The following PPIP5K1 variants were observed in gnomAD, a reference collection of about 807,000 sequenced individuals.
PPIP5K1 encodes the protein diphosphoinositol pentakisphosphate kinase 1.
PPIP5K1 carries 6 observed loss-of-function variants against 27.7 expected under a neutral mutation model. That is an observed-to-expected ratio of 0.22 (90% CI 0.12 to 0.43). The LOEUF (loss-of-function observed/expected upper bound fraction) is 0.43. PPIP5K1 is among the 20% of genes least tolerant of loss of function. PPIP5K1 has a pLI of 1.00. For missense variants in PPIP5K1, 394 were observed against 635.4 expected (o/e 0.62, Z 4.08); for synonymous variants, 145 against 242.6 (o/e 0.60, Z 3.74).
In PPIP5K1 at chr15:43,543,415, TAAAC is replaced by T. The variant is rs544678749; in HGVS notation, c.3557-3836_3557-3833del. 3.5e-3 allele frequency among the ~76,000 whole-genome samples: 521 copies of T among 149,754 alleles called. 3 individuals carry two copies. Among genetic ancestry groups the T allele is most frequent in the African/African-American group, 0.011 (427 of 40,596 alleles). ...ATGTACCCTAAAACTTAAAGTATAATAAACAAACAAACAAACAAACAAACAAAAC... is the reference window on the plus strand; with the variant it reads ...ATGTACCCTAAAACTTAAAGTATAATAAACAAACAAACAAACAAACAAAAC... On this transcript the variant is annotated intron_variant, in intron 30 of 31. Transcript: ENST00000420765.
At chr15:43,552,295 T>C (rs1012665413) in intron 30 of PPIP5K1, among the ~76,000 whole-genome samples, 3 of 152,066 alleles carry the variant, frequency 2.0e-5, no homozygotes, top group African/African-American at 7.2e-5. Context: ...TATAAAGTTC[T>C]CTCTGAGCAC....
At chr15:43,547,507 G>C (rs1595763966) in intron 30 of PPIP5K1, among the ~76,000 whole-genome samples, 1 of 152,142 alleles carries the variant, frequency 6.6e-6, no homozygotes, top group East Asian at 1.9e-4. Flanking sequence ...TTAGGTCATT[G>C]ATCCATTTTG....
In PPIP5K1 at chr15:43,581,185, C is replaced by T. The variant is rs1177272019; in HGVS notation, c.939+42G>A. 1.2e-5 allele frequency: 18 copies of T among 1,545,118 alleles called. 3 individuals carry two copies. The highest frequency in any genetic ancestry group is 1.5e-5 in the Non-Finnish European group (18 of 1,161,912). ...TACTCTTCCCGGACCCCTGTTCCTT[C>T]CTTTCTCCTTCATTTCACAACCTCC... is the stretch of plus-strand genomic sequence containing the variant. On this transcript the variant is annotated intron_variant, in intron 9 of 31. Coordinates refer to ENST00000420765, the MANE Select transcript of PPIP5K1 (RefSeq NM_001394395.1).
chr15:43,541,089 A>T (rs1353792774), intron 30 of PPIP5K1, among the ~76,000 whole-genome samples: 1 of 152,062 alleles, frequency 6.6e-6, no homozygotes, highest in African/African-American at 2.4e-5. Context: ...AGTGTCTTTT[A>T]ATCTAGAATA....
At chr15:43,552,528 TAAAAAAAAAAA>T in intron 30 of PPIP5K1, among the ~76,000 whole-genome samples, 1 of 69,428 alleles carries the variant, frequency 1.4e-5, no homozygotes, top group South Asian at 4.7e-4. Context: ...TCTGTCTCTA[TAAAAAAAAAAA>T]AAAAAAGAAA....
rs552681986 is a variant in PPIP5K1, at chr15:43,534,119, A to C, written c.*555T>G. 2 of 152,770 alleles carry C rather than the reference A, an allele frequency of 1.3e-5. No individual in the cohort carries two copies. The highest frequency in any genetic ancestry group is 4.1e-4 in the South Asian group (2 of 4,830). The allele number at this position is 152,770 out of a possible 1,614,324, so 9.5% of individuals were successfully genotyped here. A position where few individuals can be genotyped will look rare whatever the true frequency, so the allele number is the denominator to read the frequency against. On this transcript the variant is annotated 3_prime_UTR_variant, in exon 32 of 32. Coordinates refer to ENST00000420765, the MANE Select transcript of PPIP5K1 (RefSeq NM_001394395.1). ...GCAAAGACAAGAGTCCCCTGAATGCACATATGGTCTAAGCGTACCTTGAGA... is the reference window on the plus strand; with the variant it reads ...GCAAAGACAAGAGTCCCCTGAATGCCCATATGGTCTAAGCGTACCTTGAGA...
At chr15:43,537,897 G>A (rs1276218237) in intron 31 of PPIP5K1, among the ~76,000 whole-genome samples, 2 of 151,278 alleles carry the variant, frequency 1.3e-5, no homozygotes, top group African/African-American at 4.9e-5. Flanking sequence ...TGTAAGCTGA[G>A]CTTTACCCAA....
intron 30 of PPIP5K1, among the ~76,000 whole-genome samples, chr15:43,551,319 A>G (rs2082154448): frequency 6.6e-6 from 1 of 152,018 alleles, no homozygotes; most frequent in Non-Finnish European, 1.5e-5. Context: ...GGAGTTCAAG[A>G]CTAGCCTGGC....
chr15:43,544,029 A>C (rs567377201), intron 30 of PPIP5K1, among the ~76,000 whole-genome samples: 1 of 151,542 alleles, frequency 6.6e-6, no homozygotes. Context: ...TTTTTTTGCA[A>C]TTTTAGGTTT....
chr15:43,550,686 A>C (rs1179640778), intron 30 of PPIP5K1, among the ~76,000 whole-genome samples: 8 of 152,106 alleles, frequency 5.3e-5, no homozygotes, highest in Non-Finnish European at 1.0e-4. Flanking sequence ...TCTTGTTCCA[A>C]ATCTTAGAGG....
rs762808746 is a variant in PPIP5K1 at position 43,534,856 on chromosome 15, C to T, written c.4291G>A (p.Glu1431Lys). Reference sequence around the variant, plus strand: ...GGCTGGATGACCTCCTCAGGGATCTCTTCAGCTGGGCTGCCAACTTCTACA... The same window carrying T: ...GGCTGGATGACCTCCTCAGGGATCTTTTCAGCTGGGCTGCCAACTTCTACA... ...TLVEVGSPAE[E>K]IPEEVIQPYQ... Residue 1431 changes from glutamate (E) to lysine (K), a missense_variant, in exon 32 of 32, where the codon GAG becomes AAG. Around this residue, in one of 4 missense-constraint regions of PPIP5K1, gnomAD observed 379 missense variants for 423.9 expected, o/e 0.89. Transcript: ENST00000420765. 1.9e-6 allele frequency: 3 copies of T among 1,613,880 alleles called. No individual in the cohort carries two copies. The highest frequency in any genetic ancestry group is 3.3e-5 in the Admixed American group (2 of 60,018).
intron 30 of PPIP5K1, among the ~76,000 whole-genome samples, chr15:43,546,733 T>C (rs1219835472): frequency 6.7e-6 from 1 of 150,362 alleles, no homozygotes. Context: ...CTTGGCTTAT[T>C]ACAGTCTCAA....
intron 30 of PPIP5K1, among the ~76,000 whole-genome samples, chr15:43,552,941 G>T (rs1228952656): frequency 6.6e-6 from 1 of 152,022 alleles, no homozygotes; most frequent in Non-Finnish European, 1.5e-5. Flanking sequence ...TACTCAGGAG[G>T]CTGAGGTGGG....
intron 10 of PPIP5K1, among the ~76,000 whole-genome samples, chr15:43,579,597 ACGTGTGTG>A (rs2084751143): frequency 1.9e-5 from 1 of 53,166 alleles, no homozygotes; most frequent in Non-Finnish European, 2.9e-5. Context: ...ATATATGTGT[ACGTGTGTG>A]TGTGTGTGTG....
intron 30 of PPIP5K1, among the ~76,000 whole-genome samples, chr15:43,556,707 C>A (rs527638765): frequency 3.9e-5 from 6 of 152,176 alleles, no homozygotes; most frequent in Non-Finnish European, 7.3e-5. Context: ...AGCCCACCAA[C>A]AAATTAGAAC....
In PPIP5K1 at chr15:43,534,508, G is replaced by A. The variant is rs2079571574; in HGVS notation, c.*166C>T. The A allele has an allele frequency of 4.7e-6, 3 of 640,070 alleles. No individual in the cohort carries two copies. The highest frequency in any genetic ancestry group is 7.8e-6 in the Non-Finnish European group (3 of 385,052). 39.6% of individuals were successfully genotyped at this position (640,070 alleles called of 1,614,324 possible). A position where few individuals can be genotyped will look rare whatever the true frequency, so the allele number is the denominator to read the frequency against. On this transcript the variant is annotated 3_prime_UTR_variant, in exon 32 of 32. Coordinates refer to ENST00000420765, the MANE Select transcript of PPIP5K1 (RefSeq NM_001394395.1). ...CTGGCTCAAATGGCTGGTATAGTGTGATACCACTAATGAGAAAATTAATCA... is the reference window on the plus strand; with the variant it reads ...CTGGCTCAAATGGCTGGTATAGTGTAATACCACTAATGAGAAAATTAATCA...
intron 31 of PPIP5K1, among the ~76,000 whole-genome samples, chr15:43,536,959 C>T (rs946792237): frequency 6.6e-6 from 1 of 152,008 alleles, no homozygotes; most frequent in East Asian, 1.9e-4. Context: ...TGAAGAAAAC[C>T]TTGAAAAGTT....
intron 30 of PPIP5K1, 128 bp from the exon 31 acceptor site, chr15:43,539,711 T>C: frequency 1.6e-6 from 1 of 608,100 alleles, no homozygotes. Context: ...TAGCATTTCC[T>C]GGGGACCCTT....
chr15:43,552,914 G>A (rs903836838), intron 30 of PPIP5K1, among the ~76,000 whole-genome samples: 2 of 152,052 alleles, frequency 1.3e-5, no homozygotes, highest in Admixed American at 6.6e-5. Context: ...ATGGTGGCAC[G>A]TGCCTGTAGT....
Sources: gnomAD v4.1 joint callset for allele counts (sites outside exome capture counted in the v4.1 genomes callset) on GRCh38, gnomAD v4.1.1 for gene constraint, gnomAD v4.1.1 regional missense constraint, MANE v1.5 for transcripts, NCBI Gene and HGNC (gene_info 2026-07-23, HGNC 2026-07-21) for gene names.